AP3B1: variants seen among roughly 807,000 people sequenced by gnomAD.
AP3B1 encodes adaptor related protein complex 3 subunit beta 1, also known as AP-3 complex subunit beta-1.
A neutral mutation model predicts 132.5 loss-of-function variants in AP3B1; 61 were observed. The observed-to-expected ratio is 0.46, with a 90% CI of 0.37 to 0.57. AP3B1 has a LOEUF of 0.57. AP3B1 is among the 20% of genes least tolerant of loss of function. The pLI, the probability that AP3B1 is intolerant of heterozygous loss-of-function variation, is 0.00. For missense variants in AP3B1, 1,120 were observed against 1,289.4 expected, an observed-to-expected ratio of 0.87 and a Z score of 2.01; for synonymous variants, 388 against 438.3, an observed-to-expected ratio of 0.89 and a Z score of 1.43.
intron 3 of AP3B1, among the ~76,000 whole-genome samples, chr5:78,232,553 T>C (rs1746691331): frequency 6.6e-6 from 1 of 152,220 alleles, no homozygotes; most frequent in Admixed American, 6.5e-5. Context: ...GCAATCTCTA[T>C]GCCCAGAGAA....
intron 3 of AP3B1, among the ~76,000 whole-genome samples, chr5:78,229,340 T>G (rs1746532622): frequency 6.6e-6 from 1 of 152,224 alleles, no homozygotes; most frequent in African/African-American, 2.4e-5. Context: ...ATTTATCCAT[T>G]GCTTCCTTCT....
At chr5:78,070,109 AT>A (rs1169440531) in intron 22 of AP3B1, among the ~76,000 whole-genome samples, 2 of 152,044 alleles carry the variant, frequency 1.3e-5, no homozygotes, top group Admixed American at 1.3e-4. Context: ...TCAAGATGGA[AT>A]AAAAACTTAA....
intron 23 of AP3B1, 93 bp downstream of exon 23, chr5:78,038,950 C>T: frequency 1.3e-6 from 1 of 768,760 alleles, no homozygotes; most frequent in Non-Finnish European, 2.1e-6. Flanking sequence ...TTCTACTTTA[C>T]TATTTTACTA....
intron 11 of AP3B1, among the ~76,000 whole-genome samples, chr5:78,172,966 G>C (rs894558673): frequency 1.7e-4 from 26 of 152,224 alleles, no homozygotes; most frequent in African/African-American, 6.0e-4. Context: ...TTGTGTCTTT[G>C]TTCTCATTGG....
chr5:78,100,368 T>G (rs2112232248), intron 21 of AP3B1, among the ~76,000 whole-genome samples: 1 of 152,240 alleles, frequency 6.6e-6, no homozygotes, highest in South Asian at 2.1e-4. Context: ...GCAGGAGGAT[T>G]TAAGGGGAGG....
intron 22 of AP3B1, among the ~76,000 whole-genome samples, chr5:78,050,018 T>C (rs934287284): frequency 2.0e-5 from 3 of 152,178 alleles, no homozygotes; most frequent in Admixed American, 2.0e-4. Context: ...TGTTTCCTAT[T>C]ACTCTTGAAC....
chr5:78,241,120 C>A (rs1413632370), intron 2 of AP3B1, among the ~76,000 whole-genome samples, 184 bp from the exon 3 acceptor site: 6 of 151,830 alleles, frequency 4.0e-5, no homozygotes, highest in African/African-American at 1.2e-4. Flanking sequence ...AATACATAGA[C>A]ACAATAAACA....
Position 78,216,101 on chromosome 5 carries a change from A to G in AP3B1, c.740T>C (p.Met247Thr), listed in dbSNP as rs1396289255. 6.2e-7 allele frequency: 1 copy of G among 1,614,052 alleles called. No homozygotes were observed. Among genetic ancestry groups the G allele is most frequent in the East Asian group, 2.2e-5 (1 of 44,876 alleles). Residue 247 changes from methionine (M) to threonine (T), a missense_variant, in exon 7 of 27, where the codon ATG (methionine) becomes ACG (threonine). Physicochemically the swap from Met to Thr is moderately conservative, Grantham distance 81 (BLOSUM62 -1). Around this residue, in one of 3 missense-constraint regions of AP3B1, gnomAD observed 906 missense variants for 997.1 expected, o/e 0.91. Transcript: ENST00000255194. ...EEWGQVVIIH[M>T]LTRYARTQFV... ...CTGTGTCCGAGCATATCGAGTTAGC[A>G]TGTGGATTATGACAACCTGCCCCCA...
chr5:78,105,550 TA>T (rs138162914), intron 20 of AP3B1, among the ~76,000 whole-genome samples: 36,438 of 151,310 alleles, frequency 0.24, 4,586 homozygotes, highest in Admixed American at 0.31. Flanking sequence ...CTGTTTCATA[TA>T]AAAAAAAATT....
chr5:78,289,115 A>G (rs1348822699), intron 1 of AP3B1, among the ~76,000 whole-genome samples: 1 of 152,168 alleles, frequency 6.6e-6, no homozygotes, highest in East Asian at 1.9e-4. Context: ...TTAAGAAAGT[A>G]TATTCAATAA....
At chr5:78,037,113 T>C (rs777117239) in intron 23 of AP3B1, among the ~76,000 whole-genome samples, 1 of 152,212 alleles carries the variant, frequency 6.6e-6, no homozygotes, top group Non-Finnish European at 1.5e-5. Context: ...ATTTCTCTGT[T>C]AAAGTCATAC....
At chr5:78,123,972 G>A (rs535137708) in intron 17 of AP3B1, among the ~76,000 whole-genome samples, 160 of 152,270 alleles carry the variant, frequency 1.1e-3, no homozygotes, top group African/African-American at 3.7e-3. Flanking sequence ...CGACAGACTG[G>A]ATTAAGAAAA....
chr5:78,068,003 A>C (rs1030419270), intron 22 of AP3B1, among the ~76,000 whole-genome samples: 5 of 151,966 alleles, frequency 3.3e-5, no homozygotes, highest in African/African-American at 9.7e-5. Flanking sequence ...AAAAAAATTA[A>C]TAAAAGAGAC....
chr5:78,012,354 C>CA (rs3836854), intron 26 of AP3B1, among the ~76,000 whole-genome samples: 46,748 of 151,462 alleles, frequency 0.31, 7,754 homozygotes, highest in Admixed American at 0.43. Flanking sequence ...TACAAAAGTA[C>CA]GTTTTATTAA....
rs1743146784 is a variant in AP3B1, at chr5:78,156,303, A to G, written c.1428T>C (p.His476=). The change falls in exon 14 of 27, where the codon CAT becomes CAC. Residue 476 remains histidine (H), a synonymous_variant. Transcript: ENST00000255194. ...KKLLQMQPAQ[H]GEIIKHMAKL... is the part of the protein sequence containing the mutation. ...TGGCCATATGTTTAATAATTTCACC[A>G]TGTTGTGCAGGTTGCATTTGCAGTA... 1.9e-6 allele frequency: 3 copies of G among 1,613,828 alleles called. No homozygotes were observed. The East Asian group carries it at 6.7e-5, about 36-fold the overall frequency.
chr5:78,257,520 A>G (rs1327811446), intron 2 of AP3B1, among the ~76,000 whole-genome samples: 2 of 152,232 alleles, frequency 1.3e-5, no homozygotes, highest in East Asian at 3.8e-4. Flanking sequence ...GAAATTGAAA[A>G]GGACACCAAA....
In AP3B1 at chr5:78,184,673, C is replaced by T. The variant is rs78043898; in HGVS notation, c.787-3011G>A. Among the ~76,000 whole-genome samples the T allele has an allele frequency of 8.8e-5, 12 of 136,314 alleles. No homozygotes were observed. In the East Asian group the frequency reaches 2.3e-3, roughly 26 times the overall value. The allele number at this position is 136,314 out of a possible 152,430, so 89.4% of individuals were successfully genotyped here. On this transcript the variant is annotated intron_variant, in intron 7 of 26. Coordinates refer to ENST00000255194, the MANE Select transcript of AP3B1 (RefSeq NM_003664.5). ...CTGCACTCCAGCCTGGGTGACACAG[C>T]GAGACACTGTCTCAAAAAAAAAAAA...
chr5:78,150,484 C>T (rs1476609643), intron 14 of AP3B1, among the ~76,000 whole-genome samples: 2 of 151,966 alleles, frequency 1.3e-5, no homozygotes, highest in Non-Finnish European at 2.9e-5. Flanking sequence ...GGGAGTTTGA[C>T]GTAAAGGAAT....
chr5:78,195,475 G>C (rs1039604572), intron 7 of AP3B1, among the ~76,000 whole-genome samples: 4 of 152,156 alleles, frequency 2.6e-5, no homozygotes, highest in African/African-American at 4.8e-5. Context: ...AAAGAGCCAA[G>C]ACAATACGAT....
Sources: gnomAD v4.1 joint callset for allele counts (sites outside exome capture counted in the v4.1 genomes callset) on GRCh38, gnomAD v4.1.1 for gene constraint, gnomAD v4.1.1 regional missense constraint, MANE v1.5 for transcripts, NCBI Gene and HGNC (gene_info 2026-07-23, HGNC 2026-07-21) for gene names.